The following STON2 variants were observed in gnomAD, a reference collection of about 807,000 sequenced individuals.
STON2 encodes the protein stonin-2.
STON2 carries 29 observed loss-of-function variants against 65.7 expected under a neutral mutation model. The observed-to-expected ratio is 0.44, with a 90% confidence interval of 0.33 to 0.60. The LOEUF (loss-of-function observed/expected upper bound fraction) is 0.60. Ranked by LOEUF, STON2 falls within the 20% of genes least tolerant of loss-of-function variation. The pLI, the probability that STON2 is intolerant of heterozygous loss-of-function variation, is 0.03. For synonymous variants in STON2, 404 were observed against 414.2 expected (o/e 0.98, Z 0.30); for missense variants, 1,054 against 1,118.1 (o/e 0.94, Z 0.82).
At chr14:81,306,184 T>TAC (rs1896169046) in intron 5 of STON2, among the ~76,000 whole-genome samples, 2 of 147,562 alleles carry the variant, frequency 1.4e-5, no homozygotes, top group African/African-American at 2.5e-5. Context: ...TATATATATA[T>TAC]ACACTCTATT....
At chr14:81,372,505 G>C (rs941127249) in intron 3 of STON2, among the ~76,000 whole-genome samples, 48 of 149,630 alleles carry the variant, frequency 3.2e-4, no homozygotes, top group South Asian at 2.1e-4. Flanking sequence ...CAGTGAGATC[G>C]CGCCATTGCA....
chr14:81,431,848 G>A (rs1191603585), intron 1 of STON2, among the ~76,000 whole-genome samples: 1 of 152,002 alleles, frequency 6.6e-6, no homozygotes, highest in African/African-American at 2.4e-5. Flanking sequence ...GGGAGACTGA[G>A]GCAGGAGAAT....
intron 4 of STON2, among the ~76,000 whole-genome samples, chr14:81,325,179 C>A (rs1340562640): frequency 6.6e-6 from 1 of 152,184 alleles, no homozygotes; most frequent in Non-Finnish European, 1.5e-5. Context: ...GGCTAGATAC[C>A]TTTCCTTAAA....
intron 4 of STON2, chr14:81,333,428 C>G: frequency 6.3e-6 from 2 of 319,742 alleles, no homozygotes; most frequent in South Asian, 9.8e-5. Flanking sequence ...TTTTTTCATT[C>G]AGTCTTCTCA....
intron 3 of STON2, 96 bp from the exon 4 acceptor site, chr14:81,371,281 T>A (rs1044099857): frequency 2.6e-6 from 3 of 1,168,682 alleles, no homozygotes; most frequent in Admixed American, 2.1e-5. Context: ...TCACATCATA[T>A]GAAATCTCAA....
intron 3 of STON2, among the ~76,000 whole-genome samples, chr14:81,386,973 C>G (rs1471018547): frequency 6.6e-6 from 1 of 152,038 alleles, no homozygotes; most frequent in Non-Finnish European, 1.5e-5. Context: ...CTTCCCGGTA[C>G]CTGGTGGAAT....
intron 4 of STON2, among the ~76,000 whole-genome samples, chr14:81,334,099 A>G (rs1166280957): frequency 6.6e-6 from 1 of 152,206 alleles, no homozygotes; most frequent in Non-Finnish European, 1.5e-5. Context: ...AAGCATGGCA[A>G]TAAGGCCAGA....
intron 2 of STON2, among the ~76,000 whole-genome samples, chr14:81,419,476 G>A (rs980382105): frequency 6.6e-6 from 1 of 152,140 alleles, no homozygotes; most frequent in Non-Finnish European, 1.5e-5. Context: ...GGAACAGATG[G>A]TCAGCCTCCA....
At chr14:81,426,143 A>C (rs1901963459) in intron 2 of STON2, among the ~76,000 whole-genome samples, 1 of 152,220 alleles carries the variant, frequency 6.6e-6, no homozygotes, top group Non-Finnish European at 1.5e-5. Flanking sequence ...TCTCACAGGC[A>C]AAGAAACTGA....
At position 81,263,553 on chromosome 14, in the gene STON2, A is replaced by AAC. The variant is rs1894240174; in HGVS notation, c.*4860_*4861insGT. 8 of 182,714 alleles carry AAC rather than the reference A, an allele frequency of 4.4e-5. No homozygotes were observed. Among genetic ancestry groups the AAC allele is most frequent in the Non-Finnish European group, 7.1e-5 (7 of 97,986 alleles). 11.3% of individuals were successfully genotyped at this position (182,714 alleles called of 1,614,324 possible). On this transcript the variant is annotated 3_prime_UTR_variant, in exon 8 of 8. Coordinates refer to ENST00000614646, the MANE Select transcript of STON2 (RefSeq NM_001394390.1). ...ACTCCGTCTCAAAAAAAAAAAAAAA[A>AAC]AAAAAAACAAAAAAGAAAATGCTAT...
At chr14:81,389,622 C>T (rs1899984394) in intron 3 of STON2, among the ~76,000 whole-genome samples, 3 of 152,218 alleles carry the variant, frequency 2.0e-5, no homozygotes, top group African/African-American at 7.2e-5. Context: ...AGCAAACTGG[C>T]CACTACTTGG....
At chr14:81,268,577 T>G in intron 7 of STON2, 80 bp from the exon 8 acceptor site, 1 of 1,272,530 alleles carries the variant, frequency 7.9e-7, no homozygotes, top group Non-Finnish European at 1.0e-6. Context: ...CAAAACTCCA[T>G]AGGTACTTTG....
At chr14:81,428,537 A>G (rs528670143) in intron 1 of STON2, among the ~76,000 whole-genome samples, 6 of 152,158 alleles carry the variant, frequency 3.9e-5, no homozygotes, top group Non-Finnish European at 7.4e-5. Context: ...AGCCAGGCCA[A>G]CATGGCGAAA....
At chr14:81,284,224 G>T (rs1281629631) in intron 5 of STON2, among the ~76,000 whole-genome samples, 1 of 152,160 alleles carries the variant, frequency 6.6e-6, no homozygotes, top group Admixed American at 6.5e-5. Context: ...AGAGTTATAT[G>T]TCTCTTACTT....
At chr14:81,368,940 C>G (rs535017279) in intron 4 of STON2, among the ~76,000 whole-genome samples, 4 of 152,276 alleles carry the variant, frequency 2.6e-5, no homozygotes, top group African/African-American at 9.6e-5. Flanking sequence ...CTTCCAACCT[C>G]AGATCCACTC....
intron 4 of STON2, among the ~76,000 whole-genome samples, chr14:81,347,112 C>A (rs935012862): frequency 2.0e-5 from 3 of 151,336 alleles, no homozygotes; most frequent in African/African-American, 4.8e-5. Flanking sequence ...TAAAAAAAAA[C>A]CCCGAAGAAT....
chr14:81,308,818 ATATATATGTGTGTGTGTG>A (rs1896299909), intron 5 of STON2, among the ~76,000 whole-genome samples: 1 of 10,842 alleles, frequency 9.2e-5, no homozygotes, highest in African/African-American at 4.4e-4. Flanking sequence ...ATATATATAT[ATATATATGTGTGTGTGTG>A]TATATATATA....
At chr14:81,327,880 G>C (rs577954695) in intron 4 of STON2, among the ~76,000 whole-genome samples, 1 of 152,286 alleles carries the variant, frequency 6.6e-6, no homozygotes, top group South Asian at 2.1e-4. Flanking sequence ...CAGTCAAAGA[G>C]TGGTGAAGGA....
chr14:81,351,578 AAAATGGAGTTATT>A (rs1898027647), intron 4 of STON2, among the ~76,000 whole-genome samples: 1 of 152,256 alleles, frequency 6.6e-6, no homozygotes, highest in African/African-American at 2.4e-5. Flanking sequence ...CATGTGGATA[AAAATGGAGTTATT>A]AAGGTGAAAG....
Sources: allele counts gnomAD v4.1 joint callset (sites outside exome capture counted in the v4.1 genomes callset), GRCh38; gene constraint gnomAD v4.1.1; transcripts MANE v1.5; gene names NCBI Gene and HGNC (gene_info 2026-07-23, HGNC 2026-07-21).